Variants in ARHGEF17 observed in about 807,000 individuals in gnomAD.
ARHGEF17 encodes 164 kDa Rho-specific guanine-nucleotide exchange factor.
A neutral mutation model predicts 174.0 loss-of-function variants in ARHGEF17; 80 were observed. The ratio of observed to expected loss-of-function variants is 0.46; its 90% CI spans 0.38 to 0.55. The LOEUF (loss-of-function observed/expected upper bound fraction) is 0.55. ARHGEF17 is among the 20% of genes least tolerant of loss of function. The pLI is 0.00. For synonymous variants in ARHGEF17, 1,311 were observed against 1,189.1 expected, an observed-to-expected ratio of 1.10 and a Z score of -2.11; for missense variants, 2,886 against 2,839.7, an observed-to-expected ratio of 1.02 and a Z score of -0.37.
At chr11:73,355,784 G>T in intron 4 of ARHGEF17, 77 bp from the exon 5 acceptor site, 1 of 1,593,100 alleles carries the variant, frequency 6.3e-7, no homozygotes, top group Non-Finnish European at 8.6e-7. Flanking sequence ...AGCTGGAGAG[G>T]CTTGCTGGGG....
chr11:73,361,076 TCTC>T lies in ARHGEF17; in HGVS notation c.4421-10_4421-8del. On this transcript the variant is annotated splice_polypyrimidine_tract_variant and intron_variant, in intron 11 of 20. Coordinates refer to ENST00000263674, the MANE Select transcript of ARHGEF17 (RefSeq NM_014786.4). Reference sequence around the variant, plus strand: ...TAAGCAGGGTCCGTCTGTCTGTCCATCTCCACTACAGCATCCAGCAAAAGCTGT... The same window carrying T: ...TAAGCAGGGTCCGTCTGTCTGTCCATCACTACAGCATCCAGCAAAAGCTGT... 1 of 1,612,384 alleles carries T rather than the reference TCTC, an allele frequency of 6.2e-7. No homozygotes were observed. Among genetic ancestry groups the T allele is most frequent in the Non-Finnish European group, 8.5e-7 (1 of 1,178,676 alleles).
In ARHGEF17 at chr11:73,310,173, G is replaced by T. The variant is rs1034374422; in HGVS notation, c.1535G>T (p.Gly512Val). ...GGCAGAGACTCACCATCCGCAGGTG[G>T]CCCTGTGGGGCAACTTGAACCCATA... The part of the protein sequence containing the change: ...LDGRDSPSAG[G>V]PVGQLEPIPI... The change falls in exon 1 of 21, where the codon GGC becomes GTC. Residue 512 changes from glycine to valine, a missense_variant. By Grantham distance (109) the Gly-to-Val change is moderately radical. Coordinates refer to ENST00000263674, the MANE Select transcript of ARHGEF17 (RefSeq NM_014786.4). 1.9e-6 allele frequency: 3 copies of T among 1,613,940 alleles called. No homozygotes were observed. The East Asian group carries it at 6.7e-5, about 36-fold the overall frequency.
Position 73,329,351 on chromosome 11 carries a change from ATATATATATATATATATATATATT to A in ARHGEF17, c.3192+17523_3193-17507del, listed in dbSNP as rs1865157874. Among the ~76,000 whole-genome samples the A allele has an allele frequency of 1.2e-4, 4 of 33,734 alleles. 1 individual carries two copies. The African/African-American group carries it at 1.2e-3, about 10-fold the overall frequency. 22.1% of individuals were successfully genotyped at this position (33,734 alleles called of 152,430 possible). A position where few individuals can be genotyped will look rare whatever the true frequency, so the allele number is the denominator to read the frequency against. ...TATATATATATATATATATATATAT[ATATATATATATATATATATATATT>A]TTTTTTTTTTTTTTGTATTTTGGGT... On this transcript the variant is annotated intron_variant, in intron 1 of 20. Transcript: ENST00000263674.
At chr11:73,327,608 AC>A (rs1349503883) in intron 1 of ARHGEF17, among the ~76,000 whole-genome samples, 1 of 152,208 alleles carries the variant, frequency 6.6e-6, no homozygotes. Flanking sequence ...CCAAACATAG[AC>A]ATAGGAAGCC....
At chr11:73,326,589 A>G (rs971978341) in intron 1 of ARHGEF17, among the ~76,000 whole-genome samples, 12 of 152,178 alleles carry the variant, frequency 7.9e-5, no homozygotes, top group African/African-American at 2.9e-4. Flanking sequence ...GCCTGGTGGC[A>G]TACGCCTGTA....
chr11:73,350,236 T>TA (rs1186538404), intron 2 of ARHGEF17, among the ~76,000 whole-genome samples: 1 of 152,230 alleles, frequency 6.6e-6, no homozygotes, highest in Non-Finnish European at 1.5e-5. Flanking sequence ...CCCAGGGTCA[T>TA]CCATCTAGTG....
Position 73,365,535 on chromosome 11 carries a change from T to C in ARHGEF17, c.5696T>C (p.Val1899Ala), listed in dbSNP as rs1242669535. ...TTTGAGCAGCTGGCAGAAGTAGACG[T>C]CACTCCTCCCGTGCACAGGATGCTG... ...DTFEQLAEVD[V>A]TPPVHRMLAG... The change falls in exon 19 of 21, where the codon GTC becomes GCC. Residue 1899 changes from valine to alanine, a missense_variant. By Grantham distance (64) the Val-to-Ala change is moderately conservative. This residue lies in a region of ARHGEF17 where 329 missense variants were observed against 435.2 expected (regional missense o/e 0.76). Transcript: ENST00000263674. The surrounding 1 kb of genome is among the most constrained non-coding windows in gnomAD (Gnocchi z 4.9). The C allele has an allele frequency of 1.9e-6, 3 of 1,614,098 alleles. No homozygotes were observed. Among genetic ancestry groups the C allele is most frequent in the Non-Finnish European group, 8.5e-7 (1 of 1,180,028 alleles).
chr11:73,321,878 C>T (rs895167336), intron 1 of ARHGEF17, among the ~76,000 whole-genome samples: 3 of 152,164 alleles, frequency 2.0e-5, no homozygotes, highest in Non-Finnish European at 1.5e-5. Context: ...GATGGAGGGG[C>T]CAGCCGAGGG....
intron 16 of ARHGEF17, 37 bp from the exon 17 acceptor site, chr11:73,364,135 C>G: frequency 1.2e-6 from 2 of 1,611,322 alleles, no homozygotes; most frequent in Non-Finnish European, 1.7e-6. Flanking sequence ...CTTTGGCTGC[C>G]TGAACTCCCT....
chr11:73,308,741 A>G lies in ARHGEF17; in HGVS notation c.103A>G (p.Thr35Ala), dbSNP rs946428044. ...CGGGCTGAGGGAGGAGGACACGGAC[A>G]CCCCCGGCTTGAGGCGACGCGCCTC... ...GPGLREEDTD[T>A]PGLRRRASCR... The change falls in exon 1 of 21, where the codon ACC (threonine) becomes GCC (alanine). Residue 35 changes from threonine to alanine, a missense_variant. Thr to Ala is a moderately conservative substitution (Grantham distance 58). This residue lies in a region of ARHGEF17 where 1,728 missense variants were observed against 1,461.2 expected (regional missense o/e 1.18). Coordinates refer to ENST00000263674, the MANE Select transcript of ARHGEF17 (RefSeq NM_014786.4). 19 of 1,489,858 alleles carry G rather than the reference A, an allele frequency of 1.3e-5. No individual in the cohort carries two copies. The highest frequency in any genetic ancestry group is 9.8e-6 in the Non-Finnish European group (11 of 1,126,094). 92.3% of individuals were successfully genotyped at this position (1,489,858 alleles called of 1,614,324 possible).
intron 9 of ARHGEF17, among the ~76,000 whole-genome samples, chr11:73,358,980 C>T (rs1865692366): frequency 6.6e-6 from 1 of 152,172 alleles, no homozygotes; most frequent in Non-Finnish European, 1.5e-5. Flanking sequence ...AGCGTGCCCT[C>T]CCCTCCTCAG....
chr11:73,337,422 A>G (rs1865304469), intron 1 of ARHGEF17, among the ~76,000 whole-genome samples: 1 of 151,878 alleles, frequency 6.6e-6, no homozygotes, highest in Admixed American at 6.6e-5. Context: ...AAAAAAAAAA[A>G]AAGCATGTGA....
chr11:73,343,089 GC>G (rs1037654284), intron 1 of ARHGEF17: 7 of 175,730 alleles, frequency 4.0e-5, no homozygotes, highest in East Asian at 1.3e-4. Context: ...GCTGACCCCC[GC>G]CCCCCGCCCC....
intron 1 of ARHGEF17, among the ~76,000 whole-genome samples, chr11:73,325,656 T>TC (rs1484438305): frequency 6.6e-6 from 1 of 152,176 alleles, no homozygotes; most frequent in East Asian, 1.9e-4. Flanking sequence ...CCTGAGACCT[T>TC]CCCTGGAGCA....
chr11:73,356,616 C>G, intron 6 of ARHGEF17, 93 bp from the exon 7 acceptor site: 2 of 1,530,026 alleles, frequency 1.3e-6, no homozygotes, highest in Non-Finnish European at 1.8e-6. Flanking sequence ...TTGGCCTAGC[C>G]CATGGAGTGG....
chr11:73,363,126 G>T, intron 14 of ARHGEF17, 80 bp from the exon 15 acceptor site: 1 of 1,453,292 alleles, frequency 6.9e-7, no homozygotes, highest in Non-Finnish European at 9.1e-7. Flanking sequence ...GCATGGCCAG[G>T]AGGGATGCAT....
intron 12 of ARHGEF17, 78 bp from the exon 13 acceptor site, chr11:73,361,962 C>T (rs1040090829): frequency 1.1e-5 from 17 of 1,533,090 alleles, no homozygotes; most frequent in African/African-American, 8.2e-5. Flanking sequence ...CTCCATTCTG[C>T]CGGGGTTTCC....
At chr11:73,334,244 G>A (rs1461963041) in intron 1 of ARHGEF17, among the ~76,000 whole-genome samples, 1 of 152,218 alleles carries the variant, frequency 6.6e-6, no homozygotes, top group African/African-American at 2.4e-5. Flanking sequence ...TCTATAGCAG[G>A]GATAGGTCAG....
At chr11:73,343,903 G>C (rs762872328) in intron 1 of ARHGEF17, among the ~76,000 whole-genome samples, 2 of 152,176 alleles carry the variant, frequency 1.3e-5, no homozygotes, top group African/African-American at 2.4e-5. Context: ...CTGAGCTGGC[G>C]GGCCTGGTTC....
Sources: allele counts gnomAD v4.1 joint callset (sites outside exome capture counted in the v4.1 genomes callset), GRCh38; gene constraint gnomAD v4.1.1; regional missense constraint gnomAD v4.1.1; non-coding constraint Gnocchi (gnomAD v3.1); transcripts MANE v1.5; gene names NCBI Gene and HGNC (gene_info 2026-07-23, HGNC 2026-07-21).